Variants in SV2B observed in about 807,000 individuals in gnomAD.
SV2B encodes the protein synaptic vesicle glycoprotein 2B.
Under a neutral mutation model 73.9 loss-of-function variants are expected in SV2B, and 41 were observed. The observed-to-expected ratio is 0.56, with a 90% CI of 0.43 to 0.72. SV2B has a LOEUF of 0.72. SV2B is among the 30% of genes least tolerant of loss of function. The pLI, the probability that SV2B is intolerant of heterozygous loss-of-function variation, is 0.00. For missense variants in SV2B, 764 were observed against 857.8 expected (o/e 0.89, Z 1.37); for synonymous variants, 314 against 314.2 (o/e 1.00, Z 0.01).
At chr15:91,184,882 A>T (rs1046467477) in intron 1 of SV2B, among the ~76,000 whole-genome samples, 3 of 152,242 alleles carry the variant, frequency 2.0e-5, no homozygotes, top group Admixed American at 6.5e-5. Context: ...GTACACAGGC[A>T]GATATACATG....
intron 1 of SV2B, among the ~76,000 whole-genome samples, chr15:91,154,511 A>G (rs1304871062): frequency 5.3e-5 from 8 of 152,236 alleles, no homozygotes; most frequent in Middle Eastern, 3.2e-3. Flanking sequence ...AGCGTCAGGT[A>G]TTGATCTCAG....
rs940075218 is a variant in SV2B at position 91,170,927 on chromosome 15, A to G, written c.-391-54946A>G. Among the ~76,000 whole-genome samples the G allele has an allele frequency of 3.3e-5, 5 of 152,256 alleles. No homozygotes were observed. The East Asian group carries it at 5.8e-4, about 18-fold the overall frequency. On this transcript the variant is annotated intron_variant, in intron 1 of 12. Transcript: ENST00000394232. ...AATAAACAGGGTTTGTGACCTCCCA[A>G]ATAAATATTATTACATCCCCTCTTC...
At position 91,270,901 on chromosome 15, in the gene SV2B, C is replaced by T. The variant is rs896948251; in HGVS notation, c.1373+2296C>T. 1.1e-4 allele frequency among the ~76,000 whole-genome samples: 14 copies of T among 122,644 alleles called. 1 individual carries two copies. The highest frequency in any genetic ancestry group is 2.9e-4 in the African/African-American group (8 of 27,936). 80.5% of individuals were successfully genotyped at this position (122,644 alleles called of 152,430 possible). A position where few individuals can be genotyped will look rare whatever the true frequency, so the allele number is the denominator to read the frequency against. ...GTGAATCTTGTGGATGATGGGAGGA[C>T]GGTGAGTCCTGTGGACGATGGGAGG... On this transcript the variant is annotated intron_variant, in intron 9 of 12. Transcript: ENST00000394232.
At chr15:91,186,484 T>C (rs1271818102) in intron 1 of SV2B, among the ~76,000 whole-genome samples, 1 of 152,230 alleles carries the variant, frequency 6.6e-6, no homozygotes, top group African/African-American at 2.4e-5. Context: ...ACTTGACCTC[T>C]CTGAGATTTG....
At chr15:91,270,458 A>G (rs906855777) in intron 9 of SV2B, among the ~76,000 whole-genome samples, 1 of 152,200 alleles carries the variant, frequency 6.6e-6, no homozygotes, top group Non-Finnish European at 1.5e-5. Context: ...ATACATAGAA[A>G]TATCTATCTC....
chr15:91,230,540 A>G (rs1486798442), intron 2 of SV2B, among the ~76,000 whole-genome samples: 1 of 152,134 alleles, frequency 6.6e-6, no homozygotes, highest in African/African-American at 2.4e-5. Context: ...GTTATGTTTT[A>G]TTGGATCTTC....
At chr15:91,228,615 T>A (rs945015518) in intron 2 of SV2B, among the ~76,000 whole-genome samples, 1 of 152,184 alleles carries the variant, frequency 6.6e-6, no homozygotes, top group Non-Finnish European at 1.5e-5. Context: ...AGGGCTGCAG[T>A]ATGGTTGCAG....
rs903531189 is a variant in SV2B, at chr15:91,209,114, G to GTTTTTTTT, written c.-391-16741_-391-16734dup. Among the ~76,000 whole-genome samples the GTTTTTTTT allele has an allele frequency of 4.9e-3, 437 of 89,820 alleles. 2 individuals are homozygous for GTTTTTTTT. Among genetic ancestry groups the GTTTTTTTT allele is most frequent in the African/African-American group, 0.014 (217 of 16,008 alleles). 58.9% of individuals were successfully genotyped at this position (89,820 alleles called of 152,430 possible). On this transcript the variant is annotated intron_variant, in intron 1 of 12. Coordinates refer to ENST00000394232, the MANE Select transcript of SV2B (RefSeq NM_001323032.3). ...AGTGACTGTGGCAGTACTGTTTTTTGTTTTTTTTTTTTTTTTTTTTTTTTT... is the reference window on the plus strand; with the variant it reads ...AGTGACTGTGGCAGTACTGTTTTTTGTTTTTTTTTTTTTTTTTTTTTTTTTTTTTTTTT...
At chr15:91,150,816 G>A (rs868042826) in intron 1 of SV2B, among the ~76,000 whole-genome samples, 2 of 152,372 alleles carry the variant, frequency 1.3e-5, no homozygotes, top group South Asian at 2.1e-4. Flanking sequence ...AGAGGAGCTT[G>A]TAGTGAGCAG....
chr15:91,188,440 A>G (rs542015080), intron 1 of SV2B, among the ~76,000 whole-genome samples: 2 of 152,190 alleles, frequency 1.3e-5, no homozygotes, highest in African/African-American at 4.8e-5. Context: ...CAGCTTCCCA[A>G]GTAGCTGGGA....
chr15:91,267,002 TCA>T lies in SV2B; in HGVS notation c.1119+313_1119+314del, dbSNP rs1294313188. On this transcript the variant is annotated intron_variant, in intron 7 of 12. Coordinates refer to ENST00000394232, the MANE Select transcript of SV2B (RefSeq NM_001323032.3). The surrounding 1 kb of genome is among the most constrained non-coding windows in gnomAD (Gnocchi z 4.3). Reference sequence around the variant, plus strand: ...TTCTCTCTAGCAAATTTTAAAATAATCACATGGAGGAAGAAGTGAGTAAAATA... The same window carrying T: ...TTCTCTCTAGCAAATTTTAAAATAATCATGGAGGAAGAAGTGAGTAAAATA... 3 of 228,048 alleles carry T rather than the reference TCA, an allele frequency of 1.3e-5. No homozygotes were observed. The highest frequency in any genetic ancestry group is 6.8e-5 in the African/African-American group (3 of 44,122). 14.1% of individuals were successfully genotyped at this position (228,048 alleles called of 1,614,324 possible). A position where few individuals can be genotyped will look rare whatever the true frequency, so the allele number is the denominator to read the frequency against.
At position 91,291,039 on chromosome 15, in the gene SV2B, T is replaced by C. The variant is rs1362591301; in HGVS notation, c.1869-1330T>C. 2.7e-5 allele frequency among the ~76,000 whole-genome samples: 4 copies of C among 148,934 alleles called. No individual in the cohort carries two copies. The Admixed American group carries it at 2.7e-4, about 10-fold the overall frequency. On this transcript the variant is annotated intron_variant, in intron 12 of 12. Coordinates refer to ENST00000394232, the MANE Select transcript of SV2B (RefSeq NM_001323032.3). Reference sequence around the variant, plus strand: ...AGAAAATGTATATATTTATGGATTATATATTTATATATAATTATGATAATA... The same window carrying C: ...AGAAAATGTATATATTTATGGATTACATATTTATATATAATTATGATAATA...
At chr15:91,162,084 T>G (rs1023545543) in intron 1 of SV2B, among the ~76,000 whole-genome samples, 4 of 152,244 alleles carry the variant, frequency 2.6e-5, no homozygotes, top group African/African-American at 9.6e-5. Context: ...GGGCACAGTT[T>G]CTAACATCTG....
At chr15:91,237,314 G>T (rs1288076931) in intron 2 of SV2B, among the ~76,000 whole-genome samples, 1 of 152,130 alleles carries the variant, frequency 6.6e-6, no homozygotes, top group Non-Finnish European at 1.5e-5. Context: ...AGGATGCCTA[G>T]CAGCATCCCT....
intron 4 of SV2B, among the ~76,000 whole-genome samples, chr15:91,257,677 C>T (rs762373429): frequency 2.0e-5 from 3 of 152,166 alleles, no homozygotes; most frequent in Non-Finnish European, 2.9e-5. Flanking sequence ...TGCCCTTTGA[C>T]GTTGGAAAGA....
Position 91,129,412 on chromosome 15 carries a change from T to C in SV2B, c.-392+29049T>C, listed in dbSNP as rs2042578281. ...GGGGGAGAAATCAATTGTCCGGAGA[T>C]GGAACTGGGGGAGGAAGGAGCATTG... On this transcript the variant is annotated intron_variant, in intron 1 of 12. Transcript: ENST00000394232. The surrounding 1 kb of genome is among the most constrained non-coding windows in gnomAD (Gnocchi z 5.1). 6.6e-6 allele frequency among the ~76,000 whole-genome samples: 1 copy of C among 152,106 alleles called. No individual in the cohort carries two copies. The highest frequency in any genetic ancestry group is 1.5e-5 in the Non-Finnish European group (1 of 68,016).
In SV2B at chr15:91,281,466, C is replaced by T. The variant is rs1360575554; in HGVS notation, c.1374-262C>T. Among the ~76,000 whole-genome samples, 3 of 152,250 alleles carry T rather than the reference C, an allele frequency of 2.0e-5. No individual in the cohort carries two copies. The highest frequency in any genetic ancestry group is 4.8e-5 in the African/African-American group (2 of 41,534). On this transcript the variant is annotated intron_variant, in intron 9 of 12. Coordinates refer to ENST00000394232, the MANE Select transcript of SV2B (RefSeq NM_001323032.3). This position sits in a 1 kb window ranked among gnomAD's most constrained non-coding sequence, Gnocchi z 4.7. ...TTCTGTGATTCTGACTTAGAAGGTCCGTGGACCTGCCTTTGAAAACCAGCA... is the reference window on the plus strand; with the variant it reads ...TTCTGTGATTCTGACTTAGAAGGTCTGTGGACCTGCCTTTGAAAACCAGCA...
At chr15:91,135,214 C>G (rs2042783767) in intron 1 of SV2B, among the ~76,000 whole-genome samples, 1 of 152,100 alleles carries the variant, frequency 6.6e-6, no homozygotes, top group South Asian at 2.1e-4. Flanking sequence ...CTTGAGAGGC[C>G]ACAAACCATT....
chr15:91,221,348 A>G (rs1596613598), intron 1 of SV2B, among the ~76,000 whole-genome samples: 1 of 152,300 alleles, frequency 6.6e-6, no homozygotes, highest in East Asian at 1.9e-4. Context: ...GCTTGCACGC[A>G]GGTAGTAGAT....
Sources: gnomAD v4.1 joint callset for allele counts (sites outside exome capture counted in the v4.1 genomes callset) on GRCh38, gnomAD v4.1.1 for gene constraint, Gnocchi (gnomAD v3.1) non-coding constraint, MANE v1.5 for transcripts, NCBI Gene and HGNC (gene_info 2026-07-23, HGNC 2026-07-21) for gene names.